The following POLA1 variants were observed in gnomAD, a reference collection of about 807,000 sequenced individuals.
POLA1 encodes the protein DNA polymerase alpha catalytic subunit.
POLA1 carries 15 observed loss-of-function variants against 124.0 expected under a neutral mutation model. The ratio of observed to expected loss-of-function variants is 0.12; its 90% CI spans 0.08 to 0.19. The LOEUF (loss-of-function observed/expected upper bound fraction) is 0.19. Ranked by LOEUF, POLA1 falls within the 10% of genes least tolerant of loss-of-function variation. The pLI is 1.00. For missense variants in POLA1, 886 were observed against 1,103.4 expected (o/e 0.80, Z 2.79); for synonymous variants, 408 against 389.4 (o/e 1.05, Z -0.56).
chrX:24,992,737 T>C (rs1249710208), intron 36 of POLA1, among the ~76,000 whole-genome samples: 5 of 112,866 alleles, frequency 4.4e-5, no homozygotes, highest in South Asian at 3.6e-4. Context: ...ATATGTGAAG[T>C]AGAGTTAGTT....
At chrX:24,893,020 T>A (rs1357096717) in intron 35 of POLA1, among the ~76,000 whole-genome samples, 1 of 112,354 alleles carries the variant, frequency 8.9e-6, no homozygotes, top group African/African-American at 3.2e-5. Flanking sequence ...AATGAACTTA[T>A]AATCATTATA....
In POLA1 at chrX:24,844,357, C is replaced by T. The variant is rs535541245; in HGVS notation, c.4047+680C>T. Among the ~76,000 whole-genome samples the T allele has an allele frequency of 5.4e-5, 6 of 110,367 alleles. No individual in the cohort carries two copies. In the South Asian group the frequency reaches 2.3e-3, roughly 42 times the overall value. ...TTTTCTCTTCAAAAATTAAAAATTT[C>T]ACATTTCCCACGTGATTTTTCTTAG... On this transcript the variant is annotated intron_variant, in intron 34 of 36. Transcript: ENST00000379068.
At chrX:24,950,290 G>T (rs1474000746) in intron 36 of POLA1, among the ~76,000 whole-genome samples, 1 of 112,028 alleles carries the variant, frequency 8.9e-6, no homozygotes, top group Non-Finnish European at 1.9e-5. Flanking sequence ...GTGCTGTCCA[G>T]TGCTGTAGCC....
intron 26 of POLA1, among the ~76,000 whole-genome samples, 190 bp from the exon 27 acceptor site, chrX:24,809,708 G>C (rs2045866512): frequency 9.0e-6 from 1 of 111,050 alleles, no homozygotes; most frequent in South Asian, 3.8e-4. Flanking sequence ...CTCTGGCTCA[G>C]AATCAGCATA....
intron 32 of POLA1, among the ~76,000 whole-genome samples, chrX:24,830,555 C>G (rs942175319): frequency 8.9e-6 from 1 of 112,177 alleles, no homozygotes; most frequent in Non-Finnish European, 1.9e-5. Context: ...TCTTTTCCAT[C>G]TGTGAATAGG....
intron 34 of POLA1, among the ~76,000 whole-genome samples, chrX:24,881,583 G>A (rs1366501798): frequency 9.0e-6 from 1 of 111,461 alleles, no homozygotes. Context: ...GAACCTTTGT[G>A]GTAGAGACTG....
At chrX:24,928,294 C>T (rs750399315) in intron 35 of POLA1, among the ~76,000 whole-genome samples, 1 of 111,794 alleles carries the variant, frequency 8.9e-6, no homozygotes, top group Admixed American at 9.6e-5. Flanking sequence ...TGGGTTGTCA[C>T]TCGTTTGCTT....
chrX:24,910,734 G>A (rs1364141488), intron 35 of POLA1, among the ~76,000 whole-genome samples: 4 of 111,278 alleles, frequency 3.6e-5, no homozygotes, highest in Admixed American at 2.9e-4. Context: ...ACCTAACAAC[G>A]GAGGTTCAGA....
chrX:24,970,472 T>G (rs971078110), intron 36 of POLA1, among the ~76,000 whole-genome samples: 2 of 111,665 alleles, frequency 1.8e-5, no homozygotes, highest in Non-Finnish European at 3.8e-5. Flanking sequence ...TATTTAAACT[T>G]AAGAGCTTCT....
chrX:24,863,515 G>A (rs775777755), intron 34 of POLA1, among the ~76,000 whole-genome samples: 2 of 111,938 alleles, frequency 1.8e-5, no homozygotes, highest in African/African-American at 3.2e-5. Context: ...TCTTAGTTCA[G>A]TAACTCTTGA....
intron 34 of POLA1, among the ~76,000 whole-genome samples, chrX:24,858,411 T>A (rs751833860): frequency 1.8e-5 from 2 of 112,049 alleles, no homozygotes; most frequent in Non-Finnish European, 3.8e-5. Context: ...TAAAGTAGTT[T>A]TGAGACCTTC....
intron 34 of POLA1, among the ~76,000 whole-genome samples, chrX:24,846,840 A>T (rs2046483618): frequency 8.9e-6 from 1 of 112,370 alleles, no homozygotes; most frequent in African/African-American, 3.2e-5. Context: ...AATTTGAAAG[A>T]TAACCCACTG....
At chrX:24,704,497 T>C (rs775484617) in intron 4 of POLA1, 28 bp downstream of exon 4, 2 of 999,295 alleles carry the variant, frequency 2.0e-6, no homozygotes, top group Non-Finnish European at 2.8e-6. Context: ...TCCAGGGTGT[T>C]GTTTTGAGAT....
Position 24,952,186 on chromosome X carries a change from A to G in POLA1, c.4261+21637A>G, listed in dbSNP as rs187376963. On this transcript the variant is annotated intron_variant, in intron 36 of 36. Coordinates refer to ENST00000379068, the MANE Select transcript of POLA1 (RefSeq NM_001330360.2). ...ATAGGTGCAGACCAGTCCAGCTCAT[A>G]TAAATTGCCTTCTCTATTTTTGCTG... is the stretch of plus-strand genomic sequence containing the variant. Among the ~76,000 whole-genome samples the G allele has an allele frequency of 3.6e-5, 4 of 112,292 alleles. No individual in the cohort carries two copies. The East Asian group carries it at 8.4e-4, about 23-fold the overall frequency.
At chrX:24,983,950 C>T (rs909845209) in intron 36 of POLA1, among the ~76,000 whole-genome samples, 3 of 111,656 alleles carry the variant, frequency 2.7e-5, no homozygotes, top group African/African-American at 6.5e-5. Context: ...TCCCTGCTTC[C>T]GTCTGCAAAA....
chrX:24,965,026 C>T (rs758279959), intron 36 of POLA1, among the ~76,000 whole-genome samples: 58 of 111,632 alleles, frequency 5.2e-4, no homozygotes, highest in Non-Finnish European at 8.1e-4. Flanking sequence ...AGCAATTAAA[C>T]GAACCTAGTT....
At chrX:24,767,689 A>C (rs1932939633) in intron 26 of POLA1, among the ~76,000 whole-genome samples, 1 of 111,765 alleles carries the variant, frequency 8.9e-6, no homozygotes, top group African/African-American at 3.3e-5. Flanking sequence ...CATTTATTAC[A>C]TGTGTAGAAA....
At chrX:24,896,075 A>T (rs1478806390) in intron 35 of POLA1, among the ~76,000 whole-genome samples, 1 of 111,873 alleles carries the variant, frequency 8.9e-6, no homozygotes, top group African/African-American at 3.3e-5. Flanking sequence ...GGTAGGAAAG[A>T]TAATAGAGAG....
chrX:24,741,582 A>T, intron 21 of POLA1, 78 bp downstream of exon 21: 1 of 789,484 alleles, frequency 1.3e-6, no homozygotes, highest in Non-Finnish European at 1.9e-6. Flanking sequence ...TTATATGATA[A>T]TGAGTCTAAA....
Sources: gnomAD v4.1 joint callset for allele counts (sites outside exome capture counted in the v4.1 genomes callset) on GRCh38, gnomAD v4.1.1 for gene constraint, MANE v1.5 for transcripts, NCBI Gene and HGNC (gene_info 2026-07-23, HGNC 2026-07-21) for gene names.